Variants in CCDC125 observed in about 807,000 individuals in gnomAD.
CCDC125 encodes the protein coiled-coil domain containing 125, also known as coiled-coil domain-containing protein 125.
Under a neutral mutation model 57.4 loss-of-function variants are expected in CCDC125, and 43 were observed. The ratio of observed to expected loss-of-function variants is 0.75; its 90% CI spans 0.59 to 0.97. CCDC125 has a LOEUF of 0.97. Among genes scored for constraint, CCDC125 ranks in the 50% least tolerant of loss-of-function variants. The pLI is 0.00. For missense variants in CCDC125, 563 were observed against 595.7 expected (o/e 0.95, Z 0.57); for synonymous variants, 187 against 195.2 (o/e 0.96, Z 0.35).
At chr5:69,323,501 T>C (rs1760357707) in intron 1 of CCDC125, among the ~76,000 whole-genome samples, 1 of 152,130 alleles carries the variant, frequency 6.6e-6, no homozygotes, top group South Asian at 2.1e-4. Flanking sequence ...AAATTCGTCT[T>C]TGTTTTTGGA....
At chr5:69,278,504 C>T (rs776567544), downstream of CCDC125, among the ~76,000 whole-genome samples, 3 of 151,964 alleles carry the variant, frequency 2.0e-5, no homozygotes, top group East Asian at 3.9e-4. Flanking sequence ...TGAGCCACCG[C>T]GCCCAGCCAA....
chr5:69,326,560 G>A (rs952470729), intron 1 of CCDC125, among the ~76,000 whole-genome samples: 1 of 152,120 alleles, frequency 6.6e-6, no homozygotes, highest in Non-Finnish European at 1.5e-5. Flanking sequence ...CAGCAGAGAA[G>A]AAAATGGAAT....
chr5:69,305,366 C>T (rs2150464034), intron 6 of CCDC125, among the ~76,000 whole-genome samples: 1 of 152,152 alleles, frequency 6.6e-6, no homozygotes, highest in Admixed American at 6.5e-5. Context: ...GTGTGTGCCA[C>T]CACGCCCAGT....
chr5:69,322,786 C>T (rs1418680186), intron 1 of CCDC125, among the ~76,000 whole-genome samples: 1 of 151,466 alleles, frequency 6.6e-6, no homozygotes, highest in East Asian at 2.0e-4. Flanking sequence ...TGGTCTCAAA[C>T]TCCTGACCTC....
At chr5:69,326,714 G>A (rs897424220) in intron 1 of CCDC125, among the ~76,000 whole-genome samples, 3 of 152,124 alleles carry the variant, frequency 2.0e-5, no homozygotes, top group African/African-American at 7.2e-5. Context: ...ATGAGGTTTT[G>A]TTGTTGTTTT....
chr5:69,327,404 C>T (rs1760883025), intron 1 of CCDC125, among the ~76,000 whole-genome samples: 1 of 152,126 alleles, frequency 6.6e-6, no homozygotes, highest in South Asian at 2.1e-4. Context: ...TATTCTCCCA[C>T]TTTTTATATG....
At chr5:69,321,636 T>C (rs1465837614) in intron 1 of CCDC125, among the ~76,000 whole-genome samples, 1 of 152,164 alleles carries the variant, frequency 6.6e-6, no homozygotes, top group Admixed American at 6.5e-5. Flanking sequence ...ACAGTAAAAA[T>C]ACAATAGTAT....
chr5:69,292,409 C>T, intron 9 of CCDC125, 47 bp from the exon 10 acceptor site: 1 of 1,437,954 alleles, frequency 7.0e-7, no homozygotes, highest in Non-Finnish European at 9.7e-7. Flanking sequence ...AAAACCAGAA[C>T]AATTCTTGCT....
chr5:69,273,505 G>T, the CCDC125 span, among the ~76,000 whole-genome samples: 1 of 152,092 alleles, frequency 6.6e-6, no homozygotes, highest in African/African-American at 2.4e-5. Context: ...TTGAGAACAT[G>T]GTAATGGGGA....
At chr5:69,275,837 A>G (rs533777835), downstream of CCDC125, among the ~76,000 whole-genome samples, 13 of 152,262 alleles carry the variant, frequency 8.5e-5, no homozygotes, top group African/African-American at 3.1e-4. Context: ...AATTACCTTC[A>G]GTTTATATGT....
chr5:69,323,934 T>C (rs1050725026), intron 1 of CCDC125: 8 of 152,074 alleles, frequency 5.3e-5, no homozygotes, highest in Non-Finnish European at 1.2e-4. Flanking sequence ...TTTAGAAATA[T>C]TTCATCCTTC....
At chr5:69,313,011 C>G (rs1414170661) in intron 3 of CCDC125, among the ~76,000 whole-genome samples, 1 of 151,930 alleles carries the variant, frequency 6.6e-6, no homozygotes, top group Non-Finnish European at 1.5e-5. Flanking sequence ...CACAGAGTCA[C>G]TATTGCAGTT....
chr5:69,275,691 C>T (rs1233762291), downstream of CCDC125, among the ~76,000 whole-genome samples: 1 of 152,118 alleles, frequency 6.6e-6, no homozygotes, highest in Non-Finnish European at 1.5e-5. Context: ...AAATTACCTT[C>T]AGCCAGGCGC....
intron 6 of CCDC125, among the ~76,000 whole-genome samples, chr5:69,305,245 G>A (rs145837641): frequency 5.9e-5 from 9 of 151,886 alleles, no homozygotes; most frequent in East Asian, 3.9e-4. Flanking sequence ...ACAAGGTCTC[G>A]CTCTGTCATC....
chr5:69,286,924 A>T (rs1753575718), intron 10 of CCDC125, among the ~76,000 whole-genome samples: 1 of 151,928 alleles, frequency 6.6e-6, no homozygotes, highest in Non-Finnish European at 1.5e-5. Flanking sequence ...TCAGTCTAAA[A>T]AAAGAAATAG....
At chr5:69,297,256 G>A (rs1055063829) in intron 8 of CCDC125, among the ~76,000 whole-genome samples, 1 of 151,936 alleles carries the variant, frequency 6.6e-6, no homozygotes, top group African/African-American at 2.4e-5. Flanking sequence ...GGTCAGGCTG[G>A]TCTCGAACTC....
At chr5:69,313,955 G>A (rs746728604) in intron 3 of CCDC125, 30 bp downstream of exon 3, 1 of 1,521,072 alleles carries the variant, frequency 6.6e-7, no homozygotes, top group African/African-American at 1.4e-5. Context: ...CAGCTAAACT[G>A]ATAATTTTTA....
At chr5:69,308,335 A>T in intron 4 of CCDC125, 2 of 363,084 alleles carry the variant, frequency 5.5e-6, no homozygotes, top group Non-Finnish European at 1.0e-5. Context: ...TCCCCACCCA[A>T]ATCTCATTTT....
intron 10 of CCDC125, among the ~76,000 whole-genome samples, chr5:69,286,997 A>T (rs1156720641): frequency 5.4e-5 from 4 of 74,310 alleles, no homozygotes; most frequent in East Asian, 3.8e-4. Flanking sequence ...TTTAAGATAA[A>T]AAAAAAAAAA....
Sources: allele counts gnomAD v4.1 joint callset (sites outside exome capture counted in the v4.1 genomes callset), GRCh38; gene constraint gnomAD v4.1.1; transcripts MANE v1.5; gene names NCBI Gene and HGNC (gene_info 2026-07-23, HGNC 2026-07-21).